The following SHPRH variants were observed in gnomAD, a reference collection of about 807,000 sequenced individuals.
SHPRH encodes the protein E3 ubiquitin-protein ligase SHPRH.
In SHPRH, 106 loss-of-function variants were observed where a neutral mutation model predicts 202.5. The observed-to-expected ratio is 0.52, with a 90% CI of 0.45 to 0.62. The LOEUF is 0.62. Among genes scored for constraint, SHPRH ranks in the 20% least tolerant of loss-of-function variants. The pLI is 0.00. For synonymous variants in SHPRH, 729 were observed against 686.0 expected, an observed-to-expected ratio of 1.06 and a Z score of -0.98; for missense variants, 1,710 against 2,020.0, an observed-to-expected ratio of 0.85 and a Z score of 2.94.
chr6:145,900,013 GAGA>G (rs1472683680), intron 25 of SHPRH, among the ~76,000 whole-genome samples: 1 of 152,116 alleles, frequency 6.6e-6, no homozygotes, highest in African/African-American at 2.4e-5. Context: ...AAGTATTGGT[GAGA>G]AGGTGGAGAA....
chr6:145,923,815 A>T, intron 17 of SHPRH, 30 bp from the exon 18 acceptor site: 1 of 1,598,222 alleles, frequency 6.3e-7, no homozygotes, highest in Non-Finnish European at 8.5e-7. Context: ...TAATCAATTA[A>T]TACATTTTTT....
At chr6:145,961,698 C>A (rs763932410) in intron 1 of SHPRH, among the ~76,000 whole-genome samples, 4 of 152,170 alleles carry the variant, frequency 2.6e-5, no homozygotes, top group Non-Finnish European at 5.9e-5. Flanking sequence ...CCTCAAGGTA[C>A]TTATCAGTGA....
At chr6:145,888,876 T>G (rs772415242) in intron 28 of SHPRH, among the ~76,000 whole-genome samples, 21 of 152,098 alleles carry the variant, frequency 1.4e-4, no homozygotes, top group Admixed American at 6.5e-5. Flanking sequence ...CTGACAAAAC[T>G]TAAAAGATGA....
intron 2 of SHPRH, among the ~76,000 whole-genome samples, 192 bp downstream of exon 2, chr6:145,954,498 C>T (rs1788296014): frequency 1.3e-5 from 2 of 152,164 alleles, no homozygotes; most frequent in South Asian, 4.1e-4. Context: ...GATGGAAGAT[C>T]TTGAAAAAGT....
At chr6:145,926,908 T>C (rs1784932652) in intron 15 of SHPRH, among the ~76,000 whole-genome samples, 1 of 151,982 alleles carries the variant, frequency 6.6e-6, no homozygotes, top group Non-Finnish European at 1.5e-5. Flanking sequence ...AAAACTGACC[T>C]ACTCTTGGAA....
intron 2 of SHPRH, among the ~76,000 whole-genome samples, chr6:145,873,100 A>G (rs184634462): frequency 1.1e-3 from 161 of 152,290 alleles, no homozygotes; most frequent in African/African-American, 3.5e-3. Flanking sequence ...TGATAGGATG[A>G]TCTGTGTAGC....
chr6:145,924,670 C>G, intron 17 of SHPRH, 69 bp downstream of exon 17: 1 of 1,399,758 alleles, frequency 7.1e-7, no homozygotes, highest in Middle Eastern at 1.8e-4. Context: ...TTTCTCCCCA[C>G]CAAAAAACCA....
At chr6:145,946,440 A>C in intron 6 of SHPRH, 99 bp from the exon 7 acceptor site, 1 of 966,314 alleles carries the variant, frequency 1.0e-6, no homozygotes, top group Non-Finnish European at 1.5e-6. Context: ...AATGCAAAAC[A>C]GTTCTAAAAA....
chr6:145,868,112 A>T (rs1360591649), intron 2 of SHPRH, among the ~76,000 whole-genome samples: 13 of 152,152 alleles, frequency 8.5e-5, no homozygotes, highest in Admixed American at 8.5e-4. Context: ...TCCTTAGCTT[A>T]TAGATGGTGC....
the SHPRH span, among the ~76,000 whole-genome samples, chr6:145,857,966 C>G: frequency 2.0e-5 from 3 of 152,074 alleles, no homozygotes; most frequent in Non-Finnish European, 4.4e-5. Flanking sequence ...TATGATATGA[C>G]ATACAATATC....
At chr6:145,903,448 A>C (rs1782681194) in intron 25 of SHPRH, 2 of 151,952 alleles carry the variant, frequency 1.3e-5, no homozygotes, top group African/African-American at 2.4e-5. Context: ...TCTCTACAAA[A>C]AGGCTGTATA....
rs771014478 is a variant in SHPRH at position 145,919,392 on chromosome 6, G to A, written c.4108C>T (p.Pro1370Ser). 5 of 1,612,938 alleles carry A rather than the reference G, an allele frequency of 3.1e-6. No homozygotes were observed. In the East Asian group the frequency reaches 1.1e-4, roughly 36 times the overall value. Reference protein sequence around the residue: ...ERLRVRDPREPKPNPPVLHII... With the variant: ...ERLRVRDPRESKPNPPVLHII... ...TGAAGAACAGGCGGATTAGGCTTTG[G>A]CTCCCTAGGATCACGCACTCTTAGT... The change falls in exon 22 of 30, where the codon CCA becomes TCA. Residue 1370 changes from proline to serine, a missense_variant. Physicochemically the swap from Pro to Ser is moderately conservative, Grantham distance 74. Coordinates refer to ENST00000275233, the MANE Select transcript of SHPRH (RefSeq NM_001042683.3).
At chr6:145,933,692 A>T (rs1554238963) in intron 13 of SHPRH, among the ~76,000 whole-genome samples, 1 of 152,224 alleles carries the variant, frequency 6.6e-6, no homozygotes, top group Non-Finnish European at 1.5e-5. Context: ...TGTTCACTTC[A>T]TATTTTAGAA....
intron 25 of SHPRH, chr6:145,906,675 G>A (rs185437158): frequency 1.3e-5 from 2 of 152,108 alleles, no homozygotes; most frequent in East Asian, 1.9e-4. Context: ...GTTTTCATAG[G>A]TTCTGGTTAC....
At position 145,961,012 on chromosome 6, in the gene SHPRH, T is replaced by C. The variant is rs148084009; in HGVS notation, c.-33+2719A>G. Among the ~76,000 whole-genome samples the C allele has an allele frequency of 2.3e-3, 344 of 151,898 alleles. 5 individuals are homozygous for C. The highest frequency in any genetic ancestry group is 0.02 in the Admixed American group (303 of 15,294). On this transcript the variant is annotated intron_variant, in intron 1 of 29. Coordinates refer to ENST00000275233, the MANE Select transcript of SHPRH (RefSeq NM_001042683.3). ...TAGCATTCATGCTCTTATGGTAATC[T>C]ACTGACTGTTGATCTGACAGGAGGC... is the stretch of plus-strand genomic sequence containing the variant.
chr6:145,863,981 T>C (rs191428989), downstream of SHPRH, among the ~76,000 whole-genome samples: 1 of 152,368 alleles, frequency 6.6e-6, no homozygotes, highest in East Asian at 1.9e-4. Flanking sequence ...ATCTATTATT[T>C]ATCCACATAA....
intron 23 of SHPRH, among the ~76,000 whole-genome samples, chr6:145,914,669 A>G (rs1783793068): frequency 6.6e-6 from 1 of 152,270 alleles, no homozygotes; most frequent in South Asian, 2.1e-4. Context: ...ACATATTTTT[A>G]CTTTCACTCA....
intron 2 of SHPRH, among the ~76,000 whole-genome samples, chr6:145,865,411 A>T (rs1469765877): frequency 6.6e-6 from 1 of 152,232 alleles, no homozygotes; most frequent in Admixed American, 6.5e-5. Flanking sequence ...CAACCATGTG[A>T]CATCCTGATC....
At chr6:145,930,832 G>A (rs765576252) in intron 14 of SHPRH, among the ~76,000 whole-genome samples, 6 of 151,922 alleles carry the variant, frequency 3.9e-5, no homozygotes, top group African/African-American at 9.7e-5. Flanking sequence ...CAATAATTAC[G>A]CACTTGTTTA....
Sources: gnomAD v4.1 joint callset for allele counts (sites outside exome capture counted in the v4.1 genomes callset) on GRCh38, gnomAD v4.1.1 for gene constraint, MANE v1.5 for transcripts, NCBI Gene and HGNC (gene_info 2026-07-23, HGNC 2026-07-21) for gene names.